The following KDM4B variants were observed in gnomAD, a reference collection of about 807,000 sequenced individuals.
The protein encoded by KDM4B is lysine-specific demethylase 4B.
KDM4B carries 32 observed loss-of-function variants against 125.2 expected under a neutral mutation model. The ratio of observed to expected loss-of-function variants is 0.26; its 90% CI spans 0.19 to 0.34. The LOEUF (loss-of-function observed/expected upper bound fraction) is 0.34. KDM4B is among the 10% of genes least tolerant of loss of function. KDM4B has a pLI of 1.00. For synonymous variants in KDM4B, 721 were observed against 677.9 expected, an observed-to-expected ratio of 1.06 and a Z score of -0.99; for missense variants, 1,190 against 1,577.7, an observed-to-expected ratio of 0.75 and a Z score of 4.16.
At chr19:5,023,943 T>A (rs2036203189) in intron 2 of KDM4B, among the ~76,000 whole-genome samples, 1 of 151,860 alleles carries the variant, frequency 6.6e-6, no homozygotes, top group South Asian at 2.1e-4. Context: ...TTTGTAGAGA[T>A]GGGGTCTCGC....
In KDM4B at chr19:5,113,939, C is replaced by T. The variant is rs754788893; in HGVS notation, c.1115+3121C>T. The T allele has an allele frequency of 1.3e-5, 16 of 1,219,890 alleles. No homozygotes were observed. The Admixed American group carries it at 1.5e-4, about 11-fold the overall frequency. The allele number at this position is 1,219,890 out of a possible 1,614,324, so 75.6% of individuals were successfully genotyped here. A position where few individuals can be genotyped will look rare whatever the true frequency, so the allele number is the denominator to read the frequency against. Reference sequence around the variant, plus strand: ...CACAGCTGCCTGAGCTCAGAGGACACGGCCTACTCCCTGCTCGCCACCTTA... The same window carrying T: ...CACAGCTGCCTGAGCTCAGAGGACATGGCCTACTCCCTGCTCGCCACCTTA... On this transcript the variant is annotated intron_variant, in intron 10 of 22. Transcript: ENST00000159111.
intron 11 of KDM4B, among the ~76,000 whole-genome samples, chr19:5,120,201 G>A (rs1007991219): frequency 6.6e-6 from 1 of 152,170 alleles, no homozygotes; most frequent in African/African-American, 2.4e-5. Flanking sequence ...AACCAGGCTT[G>A]GTGGCTTGCA....
intron 1 of KDM4B, among the ~76,000 whole-genome samples, chr19:4,977,736 G>C (rs1013308723): frequency 6.6e-6 from 1 of 152,188 alleles, no homozygotes; most frequent in Admixed American, 6.5e-5. Context: ...ATCATGGCGG[G>C]ATGGAAATGG....
At chr19:5,015,069 C>T (rs1427434860) in intron 1 of KDM4B, among the ~76,000 whole-genome samples, 2 of 151,612 alleles carry the variant, frequency 1.3e-5, no homozygotes, top group East Asian at 1.9e-4. Flanking sequence ...TTGGGCCTGC[C>T]GAGGGGACCT....
chr19:4,983,659 G>A (rs1487415629), intron 1 of KDM4B, among the ~76,000 whole-genome samples: 2 of 152,190 alleles, frequency 1.3e-5, no homozygotes, highest in Non-Finnish European at 2.9e-5. Flanking sequence ...CTGAGGAGGT[G>A]TTTCCGGGAA....
chr19:5,004,411 C>T (rs2035491403), intron 1 of KDM4B, among the ~76,000 whole-genome samples: 2 of 152,218 alleles, frequency 1.3e-5, no homozygotes, highest in South Asian at 4.1e-4. Context: ...CTCCTTGGCC[C>T]TTCTCAGCCC....
intron 6 of KDM4B, among the ~76,000 whole-genome samples, chr19:5,051,660 G>A (rs1482533520): frequency 6.6e-6 from 1 of 152,254 alleles, no homozygotes; most frequent in Non-Finnish European, 1.5e-5. Flanking sequence ...CCTCTGCTCA[G>A]GCTTAGGGAA....
chr19:5,103,012 C>T (rs1161124949), intron 9 of KDM4B, among the ~76,000 whole-genome samples: 3 of 152,256 alleles, frequency 2.0e-5, no homozygotes, highest in African/African-American at 4.8e-5. Flanking sequence ...CTGCCCACCA[C>T]GTACCCACCT....
chr19:5,105,475 C>T (rs118050222), intron 9 of KDM4B, among the ~76,000 whole-genome samples: 3,243 of 152,310 alleles, frequency 0.021, 44 homozygotes, highest in South Asian at 0.038. Flanking sequence ...GTCTGTCGCC[C>T]GGGCTGGAGT....
rs139519483 is a variant in KDM4B at position 5,079,543 on chromosome 19, C to T, written c.780+2073C>T. Among the ~76,000 whole-genome samples the T allele has an allele frequency of 5.6e-3, 856 of 152,226 alleles. 3 individuals are homozygous for T. The highest frequency in any genetic ancestry group is 8.1e-3 in the Non-Finnish European group (554 of 68,014). On this transcript the variant is annotated intron_variant, in intron 8 of 22. Coordinates refer to ENST00000159111, the MANE Select transcript of KDM4B (RefSeq NM_015015.3). ...TCACCCCCATTCAATCTTGGCATTC[C>T]GGGGGCCCAGCTGGATCCCTGAAGG...
Position 5,035,893 on chromosome 19 carries a change from G to A in KDM4B, c.141+2862G>A, listed in dbSNP as rs554410945. Among the ~76,000 whole-genome samples, 23 of 141,310 alleles carry A rather than the reference G, an allele frequency of 1.6e-4. No homozygotes were observed. Among genetic ancestry groups the A allele is most frequent in the African/African-American group, 5.0e-4 (20 of 39,804 alleles). 92.7% of individuals were successfully genotyped at this position (141,310 alleles called of 152,430 possible). ...TGTGTGTGTGTGTGCGCGCGCGCGCGCGCCTGCGCGCACAGGAGACTGAGG... is the reference window on the plus strand; with the variant it reads ...TGTGTGTGTGTGTGCGCGCGCGCGCACGCCTGCGCGCACAGGAGACTGAGG... On this transcript the variant is annotated intron_variant, in intron 3 of 22. Transcript: ENST00000159111. The surrounding 1 kb of genome is among the most constrained non-coding windows in gnomAD (Gnocchi z 5.3).
intron 1 of KDM4B, among the ~76,000 whole-genome samples, chr19:4,991,293 A>T (rs1343442786): frequency 6.7e-6 from 1 of 150,150 alleles, no homozygotes; most frequent in Non-Finnish European, 1.5e-5. Flanking sequence ...TAGCCCTCAT[A>T]TTATTTTTGT....
At chr19:5,119,517 C>G in intron 10 of KDM4B, 136 bp from the exon 11 acceptor site, 1 of 894,378 alleles carries the variant, frequency 1.1e-6, no homozygotes, top group Non-Finnish European at 1.8e-6. Context: ...CCCCCGGCCT[C>G]CAGCCAGGAG....
chr19:5,118,503 A>G (rs1037332431), intron 10 of KDM4B, among the ~76,000 whole-genome samples: 2 of 152,010 alleles, frequency 1.3e-5, no homozygotes, highest in African/African-American at 4.8e-5. Context: ...GGAGGTGCAG[A>G]TATCACATGC....
intron 2 of KDM4B, among the ~76,000 whole-genome samples, chr19:5,018,659 A>G (rs970039904): frequency 6.6e-6 from 1 of 152,106 alleles, no homozygotes. Flanking sequence ...CAGCATCACC[A>G]CTCATTCCGG....
intron 11 of KDM4B, among the ~76,000 whole-genome samples, chr19:5,121,355 GACGAGGACAGAAAAGGCAT>G (rs1189375541): frequency 2.0e-5 from 3 of 152,236 alleles, no homozygotes; most frequent in African/African-American, 7.2e-5. Context: ...AGAGAGGCAA[GACGAGGACAGAAAAGGCAT>G]CGTGGGTAGA....
intron 1 of KDM4B, among the ~76,000 whole-genome samples, chr19:4,981,894 T>G (rs1474930086): frequency 6.6e-6 from 1 of 152,178 alleles, no homozygotes; most frequent in Non-Finnish European, 1.5e-5. Context: ...AACTAAACAC[T>G]ACCAAGTGTC....
intron 2 of KDM4B, among the ~76,000 whole-genome samples, chr19:5,031,048 A>G (rs2145609728): frequency 6.6e-6 from 1 of 152,340 alleles, no homozygotes; most frequent in Non-Finnish European, 1.5e-5. Flanking sequence ...AGGGTCCCAC[A>G]GTGGTCCAGC....
chr19:4,994,020 G>GTTTTTTTTTTTTTTTTTTTTCTT (rs2035113819), intron 1 of KDM4B, among the ~76,000 whole-genome samples: 1 of 66,708 alleles, frequency 1.5e-5, no homozygotes, highest in African/African-American at 6.6e-5. Flanking sequence ...TTTTCAGCCT[G>GTTTTTTTTTTTTTTTTTTTTCTT]TTTTTTTTTT....
Sources: gnomAD v4.1 joint callset for allele counts (sites outside exome capture counted in the v4.1 genomes callset) on GRCh38, gnomAD v4.1.1 for gene constraint, Gnocchi (gnomAD v3.1) non-coding constraint, MANE v1.5 for transcripts, NCBI Gene and HGNC (gene_info 2026-07-23, HGNC 2026-07-21) for gene names.